The following CC2D1B variants were observed in gnomAD, a reference collection of about 807,000 sequenced individuals.
The protein encoded by CC2D1B is coiled-coil and C2 domain containing 1B, also known as coiled-coil and C2 domain-containing protein 1B.
A neutral mutation model predicts 110.8 loss-of-function variants in CC2D1B; 92 were observed. The ratio of observed to expected loss-of-function variants is 0.83; its 90% CI spans 0.70 to 0.99. CC2D1B has a LOEUF of 0.99. Among genes scored for constraint, CC2D1B ranks in the 50% least tolerant of loss-of-function variants. CC2D1B has a pLI of 0.00. For synonymous variants in CC2D1B, 406 were observed against 429.2 expected, an observed-to-expected ratio of 0.95 and a Z score of 0.67; for missense variants, 1,136 against 1,089.0, an observed-to-expected ratio of 1.04 and a Z score of -0.61.
chr1:52,362,560 A>G lies in CC2D1B; in HGVS notation c.214+42T>C, dbSNP rs891530960. Reference sequence around the variant, plus strand: ...ACCCCTCTACCACCAGCCTGTGCCCATCTTGTCCCAGCACCAAGACCAGCC... The same window carrying G: ...ACCCCTCTACCACCAGCCTGTGCCCGTCTTGTCCCAGCACCAAGACCAGCC... On this transcript the variant is annotated intron_variant, in intron 3 of 24. Coordinates refer to ENST00000284376, the MANE Select transcript of CC2D1B (RefSeq NM_001330585.2). 2.5e-6 allele frequency: 4 copies of G among 1,612,612 alleles called. No homozygotes were observed. The African/African-American group carries it at 4.0e-5, about 16-fold the overall frequency.
Position 52,361,585 on chromosome 1 carries a change from C to T in CC2D1B, c.246G>A (p.Leu82=). The T allele has an allele frequency of 1.2e-6, 2 of 1,613,896 alleles. No individual in the cohort carries two copies. Among genetic ancestry groups the T allele is most frequent in the Non-Finnish European group, 1.7e-6 (2 of 1,180,018 alleles). The change falls in exon 4 of 25, where the codon TTG becomes TTA. Residue 82 remains leucine, a synonymous_variant. Coordinates refer to ENST00000284376, the MANE Select transcript of CC2D1B (RefSeq NM_001330585.2). ...CCACATCCCGCATACAGTCTGCCGC[C>T]AACTTCTCGATGTGGGCCATGGGCA... is the stretch of plus-strand genomic sequence containing the variant. ...APLPMAHIEK[L]AADCMRDVEE...
At chr1:52,364,764 C>T (rs1193924455) in intron 1 of CC2D1B, 130 bp from the exon 2 acceptor site, 10 of 519,550 alleles carry the variant, frequency 1.9e-5, no homozygotes, top group African/African-American at 1.9e-5. Context: ...TATGGGTTAC[C>T]TTTAATTAAA....
chr1:52,357,133 A>G lies in CC2D1B; in HGVS notation c.1753-7T>C, dbSNP rs760361803. Reference sequence around the variant, plus strand: ...CCGTCAAGGGCGAAGGCACCTACCCAGGTCACAAGGCCCCTCGGGCCCCAA... The same window carrying G: ...CCGTCAAGGGCGAAGGCACCTACCCGGGTCACAAGGCCCCTCGGGCCCCAA... On this transcript the variant is annotated splice_region_variant and splice_polypyrimidine_tract_variant and intron_variant, in intron 15 of 24. Transcript: ENST00000284376. 6.2e-7 allele frequency: 1 copy of G among 1,613,814 alleles called. No homozygotes were observed. Among genetic ancestry groups the G allele is most frequent in the South Asian group, 1.1e-5 (1 of 91,024 alleles).
chr1:52,362,869 G>A, intron 2 of CC2D1B, 123 bp from the exon 3 acceptor site: 3 of 973,566 alleles, frequency 3.1e-6, no homozygotes, highest in Non-Finnish European at 4.6e-6. Context: ...GGCCCAATGT[G>A]CAGAAAGAAA....
chr1:52,355,049 T>G (rs1254238721), intron 21 of CC2D1B, 110 bp from the exon 22 acceptor site: 5 of 863,168 alleles, frequency 5.8e-6, no homozygotes, highest in Non-Finnish European at 7.7e-6. Flanking sequence ...CACCTGCATT[T>G]TGGGGTACTG....
Position 52,359,060 on chromosome 1 carries a change from C to G in CC2D1B, c.1224G>C (p.Glu408Asp). The G allele has an allele frequency of 1.2e-6, 2 of 1,608,210 alleles. No homozygotes were observed. Among genetic ancestry groups the G allele is most frequent in the Non-Finnish European group, 1.7e-6 (2 of 1,180,014 alleles). The change falls in exon 11 of 25, where the codon GAG becomes GAC. Residue 408 changes from glutamate to aspartate, a missense_variant. Physicochemically the swap from Glu to Asp is conservative, Grantham distance 45 (BLOSUM62 2). Transcript: ENST00000284376. ...TGCGCTCATGCATCCGAGCCTTGCGCTCGTCCCCACCACTCCGGGCCTGGA... is the reference window on the plus strand; with the variant it reads ...TGCGCTCATGCATCCGAGCCTTGCGGTCGTCCCCACCACTCCGGGCCTGGA... ...AGIQARSGGD[E>D]RKARMHERIA... is the part of the protein sequence containing the mutation.
intron 23 of CC2D1B, 185 bp from the exon 24 acceptor site, chr1:52,353,832 T>C (rs1646581241): frequency 9.3e-6 from 5 of 538,142 alleles, no homozygotes; most frequent in East Asian, 6.2e-5. Flanking sequence ...TGGTTTTAGG[T>C]GAGTCTTATT....
At chr1:52,360,011 G>A (rs1251090279) in intron 7 of CC2D1B, 63 bp downstream of exon 7, 1 of 1,547,528 alleles carries the variant, frequency 6.5e-7, no homozygotes, top group Non-Finnish European at 8.7e-7. Context: ...GTGGCAGGCT[G>A]GGGACACACG....
chr1:52,358,801 CA>C (rs1415410806), intron 11 of CC2D1B, 43 bp from the exon 12 acceptor site: 1 of 1,567,080 alleles, frequency 6.4e-7, no homozygotes, highest in African/African-American at 1.4e-5. Flanking sequence ...GGCAGCAGCC[CA>C]CAGGCCCCCT....
intron 4 of CC2D1B, 37 bp from the exon 5 acceptor site, chr1:52,361,169 C>T (rs1646774767): frequency 1.9e-6 from 3 of 1,612,178 alleles, no homozygotes; most frequent in Non-Finnish European, 2.5e-6. Context: ...GCTTGGGGGC[C>T]TCAAGACCAT....
At position 52,355,851 on chromosome 1, in the gene CC2D1B, C is replaced by G. The variant is rs748933095; in HGVS notation, c.2055-7G>C. On this transcript the variant is annotated splice_polypyrimidine_tract_variant and splice_region_variant and intron_variant, in intron 18 of 24. Coordinates refer to ENST00000284376, the MANE Select transcript of CC2D1B (RefSeq NM_001330585.2). The stretch of plus-strand genomic sequence containing the variant: ...GTTGAGTTCTGAGAAGATCCTAGAG[C>G]CAAGCGGGAAGGAGAAAATGCTCAA... 9.3e-6 allele frequency: 15 copies of G among 1,613,986 alleles called. No individual in the cohort carries two copies. The highest frequency in any genetic ancestry group is 1.2e-5 in the Non-Finnish European group (14 of 1,179,912).
In CC2D1B at chr1:52,360,774, G is replaced by T. The variant is rs1005468980; in HGVS notation, c.477+200C>A. The stretch of plus-strand genomic sequence containing the variant: ...GAAGCCAGGATATGGCTCCCGGGGG[G>T]TAGTCTAGGAGAACAGAGAGGCCTT... On this transcript the variant is annotated intron_variant, in intron 5 of 24. Transcript: ENST00000284376. 5 of 888,018 alleles carry T rather than the reference G, an allele frequency of 5.6e-6. No individual in the cohort carries two copies. In the African/African-American group the frequency reaches 6.7e-5, roughly 12 times the overall value. The allele number at this position is 888,018 out of a possible 1,614,324, so 55.0% of individuals were successfully genotyped here.
At chr1:52,358,561 C>G (rs1646705835) in intron 12 of CC2D1B, 100 bp from the exon 13 acceptor site, 1 of 1,592,406 alleles carries the variant, frequency 6.3e-7, no homozygotes, top group Non-Finnish European at 8.6e-7. Context: ...TGGGGCATGG[C>G]TGGGATGGAT....
Position 52,355,829 on chromosome 1 carries a change from GA to G in CC2D1B, c.2069del (p.Leu690ProfsTer8). The G allele has an allele frequency of 6.2e-7, 1 of 1,614,034 alleles. No individual in the cohort carries two copies. The highest frequency in any genetic ancestry group is 2.2e-5 in the East Asian group (1 of 44,896). On this transcript the variant is annotated frameshift_variant, in exon 19 of 25. Transcript: ENST00000284376. LOFTEE classifies it high-confidence loss of function. ...TGATCAGATGCATTTCTGTGCTGTT[GA>G]GTTCTGAGAAGATCCTAGAGCCAAG... ...TFQTVRIFSE[L>X]NSTEMHLIIV...
Position 52,359,168 on chromosome 1 carries a change from AGAAG to A in CC2D1B, c.1127-15_1127-12del, listed in dbSNP as rs779159001. ...ACTCTGTAGGGGCCACTTGAAGGAA[AGAAG>A]GAAGAAGTGGGCATCAGGTCAGCCT... On this transcript the variant is annotated splice_polypyrimidine_tract_variant and intron_variant, in intron 10 of 24. Transcript: ENST00000284376. 1.2e-5 allele frequency: 19 copies of A among 1,609,466 alleles called. No homozygotes were observed. The African/African-American group carries it at 2.5e-4, about 21-fold the overall frequency.
rs770335631 is a variant in CC2D1B at position 52,361,053 on chromosome 1, G to C, written c.398C>G (p.Ser133Cys). 18 of 1,614,132 alleles carry C rather than the reference G, an allele frequency of 1.1e-5. No homozygotes were observed. In the South Asian group the frequency reaches 1.9e-4, roughly 17 times the overall value. Residue 133 changes from serine (S) to cysteine (C), a missense_variant, in exon 5 of 25, where the codon TCT becomes TGT. By Grantham distance (112) the Ser-to-Cys change is moderately radical (BLOSUM62 -1). Coordinates refer to ENST00000284376, the MANE Select transcript of CC2D1B (RefSeq NM_001330585.2). Reference sequence around the variant, plus strand: ...GTCTTCTAGGCCGTTCTCCTCCTCAGAGCCGCCTGGGTCAGCTACCTCATC... The same window carrying C: ...GTCTTCTAGGCCGTTCTCCTCCTCACAGCCGCCTGGGTCAGCTACCTCATC... ...DGDEVADPGGSEEENGLEDTE... is the reference protein window; with the variant it reads ...DGDEVADPGGCEEENGLEDTE...
chr1:52,357,563 A>G lies in CC2D1B; in HGVS notation c.1715T>C (p.Ile572Thr). ...RVAKWLEAQI[I>T]QARSGRPVDL... ...AACAGGTCTGCCAGATCGGGCCTGGATGATCTGAGCCTCAAGCCATTTGGC... is the reference window on the plus strand; with the variant it reads ...AACAGGTCTGCCAGATCGGGCCTGGGTGATCTGAGCCTCAAGCCATTTGGC... The change falls in exon 15 of 25, where the codon ATC (isoleucine) becomes ACC (threonine). Residue 572 changes from isoleucine (I) to threonine (T), a missense_variant. Transcript: ENST00000284376. 1 of 1,582,914 alleles carries G rather than the reference A, an allele frequency of 6.3e-7. No homozygotes were observed. Among genetic ancestry groups the G allele is most frequent in the African/African-American group, 1.3e-5 (1 of 74,428 alleles).
Position 52,359,051 on chromosome 1 carries a change from A to C in CC2D1B, c.1233T>G (p.Ala411=), listed in dbSNP as rs1193520320. 1 of 1,607,604 alleles carries C rather than the reference A, an allele frequency of 6.2e-7. No individual in the cohort carries two copies. The highest frequency in any genetic ancestry group is 2.2e-5 in the East Asian group (1 of 44,868). ...QARSGGDERK[A]RMHERIAKQY... ...CCTTGGCAATGCGCTCATGCATCCG[A>C]GCCTTGCGCTCGTCCCCACCACTCC... Residue 411 remains alanine (A), a synonymous_variant, in exon 11 of 25, where the codon GCT becomes GCG. Coordinates refer to ENST00000284376, the MANE Select transcript of CC2D1B (RefSeq NM_001330585.2).
At chr1:52,360,879 T>C in intron 5 of CC2D1B, 95 bp downstream of exon 5, 2 of 1,463,130 alleles carry the variant, frequency 1.4e-6, no homozygotes, top group Non-Finnish European at 1.9e-6. Flanking sequence ...CTGGAAAGGG[T>C]GACTGCAGCC....
Sources: gnomAD v4.1 joint callset for allele counts on GRCh38, gnomAD v4.1.1 for gene constraint, MANE v1.5 for transcripts, NCBI Gene and HGNC (gene_info 2026-07-23, HGNC 2026-07-21) for gene names.